The following SLC25A21 variants were observed in gnomAD, a reference collection of about 807,000 sequenced individuals.
SLC25A21 encodes solute carrier family 25 member 21.
Under a neutral mutation model 43.8 loss-of-function variants are expected in SLC25A21, and 47 were observed. That is an observed-to-expected ratio of 1.07 (90% CI 0.85 to 1.37). The LOEUF (loss-of-function observed/expected upper bound fraction) is 1.37. Ranked by LOEUF, SLC25A21 falls within the 40% of genes most tolerant of loss-of-function variation. The probability of loss-of-function intolerance (pLI) is 0.00; values close to 1 mark genes in which losing one functional copy is unlikely to be tolerated. For missense variants in SLC25A21, 352 were observed against 350.2 expected, an observed-to-expected ratio of 1.00 and a Z score of -0.04; for synonymous variants, 131 against 121.3, an observed-to-expected ratio of 1.08 and a Z score of -0.52.
At chr14:37,005,864 T>G (rs1960592075) in intron 1 of SLC25A21, among the ~76,000 whole-genome samples, 2 of 152,226 alleles carry the variant, frequency 1.3e-5, no homozygotes, top group African/African-American at 4.8e-5. Context: ...TCTCTGGAAC[T>G]TTTTCTTTTC....
chr14:36,702,386 C>T (rs984170505), intron 7 of SLC25A21, among the ~76,000 whole-genome samples: 1 of 150,016 alleles, frequency 6.7e-6, no homozygotes, highest in South Asian at 2.1e-4. Flanking sequence ...TCCCTGTAAT[C>T]CCAGCACTTT....
Position 36,821,294 on chromosome 14 carries a change from TC to T in SLC25A21, c.120-7294del, listed in dbSNP as rs1888622038. Among the ~76,000 whole-genome samples, 4 of 151,028 alleles carry T rather than the reference TC, an allele frequency of 2.6e-5. No individual in the cohort carries two copies. In the South Asian group the frequency reaches 8.4e-4, roughly 32 times the overall value. On this transcript the variant is annotated intron_variant, in intron 2 of 9. Coordinates refer to ENST00000331299, the MANE Select transcript of SLC25A21 (RefSeq NM_030631.4). ...ACCACTGGGGACTGTGCCTTTCTCA[TC>T]CCTCCAGAAAGAGCACATCAGATGG...
intron 3 of SLC25A21, among the ~76,000 whole-genome samples, chr14:36,746,341 A>C (rs576118703): frequency 3.3e-5 from 5 of 150,260 alleles, no homozygotes; most frequent in Non-Finnish European, 5.9e-5. Flanking sequence ...GGGATGACTT[A>C]GAAACAGAAA....
chr14:37,098,827 A>G (rs1172170712), intron 1 of SLC25A21, among the ~76,000 whole-genome samples: 2 of 150,448 alleles, frequency 1.3e-5, no homozygotes, highest in Non-Finnish European at 3.0e-5. Context: ...TTTTGAGACA[A>G]AGTCTCATTC....
chr14:36,985,097 A>G (rs1960115701), intron 1 of SLC25A21, among the ~76,000 whole-genome samples: 2 of 150,200 alleles, frequency 1.3e-5, no homozygotes, highest in South Asian at 4.2e-4. Context: ...AACACCGCAT[A>G]TTCTCACTCA....
intron 1 of SLC25A21, among the ~76,000 whole-genome samples, chr14:36,897,848 A>AGATAT (rs1891287931): frequency 6.6e-6 from 1 of 152,186 alleles, no homozygotes; most frequent in Admixed American, 6.5e-5. Flanking sequence ...GCAGAACAGC[A>AGATAT]GATATGGGTG....
chr14:36,952,718 AC>A (rs1892842788), intron 1 of SLC25A21, among the ~76,000 whole-genome samples: 1 of 152,206 alleles, frequency 6.6e-6, no homozygotes, highest in African/African-American at 2.4e-5. Context: ...ACAAGACAAA[AC>A]AAAAACAGTG....
intron 1 of SLC25A21, among the ~76,000 whole-genome samples, chr14:37,166,132 C>A (rs1964026526): frequency 6.6e-6 from 1 of 152,200 alleles, no homozygotes; most frequent in South Asian, 2.1e-4. Flanking sequence ...ATGCACAAAT[C>A]ACGGAGCAGA....
chr14:37,092,348 A>G (rs1955754), intron 1 of SLC25A21, among the ~76,000 whole-genome samples: 151,883 of 152,298 alleles, frequency 1, 75,740 homozygotes, highest in Middle Eastern at 1. Flanking sequence ...AATCCTACAC[A>G]GTACCATGTC....
chr14:36,784,718 C>T (rs1397188552), intron 3 of SLC25A21, among the ~76,000 whole-genome samples: 1 of 152,174 alleles, frequency 6.6e-6, no homozygotes, highest in Non-Finnish European at 1.5e-5. Flanking sequence ...GGCTTTGTAT[C>T]TCTCTTCCCT....
chr14:36,889,886 CT>C (rs1439883889), intron 1 of SLC25A21, among the ~76,000 whole-genome samples: 1 of 152,148 alleles, frequency 6.6e-6, no homozygotes, highest in Non-Finnish European at 1.5e-5. Flanking sequence ...CAACAAGCAC[CT>C]TGGGATGCTT....
At chr14:36,782,638 C>T (rs1000322538) in intron 3 of SLC25A21, among the ~76,000 whole-genome samples, 1 of 152,138 alleles carries the variant, frequency 6.6e-6, no homozygotes, top group African/African-American at 2.4e-5. Flanking sequence ...TATGGATGTA[C>T]CTGTTCCATC....
chr14:36,923,737 A>C (rs1337918420), intron 1 of SLC25A21, among the ~76,000 whole-genome samples: 1 of 152,154 alleles, frequency 6.6e-6, no homozygotes, highest in Non-Finnish European at 1.5e-5. Flanking sequence ...TGCAGAGCAA[A>C]AATATTTTTT....
chr14:36,728,060 A>G (rs1884671260), intron 5 of SLC25A21, among the ~76,000 whole-genome samples: 1 of 152,212 alleles, frequency 6.6e-6, no homozygotes, highest in Admixed American at 6.5e-5. Context: ...AATTGATCAG[A>G]TATCAGCAGA....
chr14:37,145,472 C>CAGAG lies in SLC25A21; in HGVS notation c.70+26808_70+26809insCTCT, dbSNP rs1188016664. On this transcript the variant is annotated intron_variant, in intron 1 of 9. Transcript: ENST00000331299. Reference sequence around the variant, plus strand: ...ACACACACACACACACACACACACACACACAGAGAGATGAGCTAAATAACT... The same window carrying CAGAG: ...ACACACACACACACACACACACACACAGAGACACAGAGAGATGAGCTAAATAACT... Among the ~76,000 whole-genome samples the CAGAG allele has an allele frequency of 1.0e-2, 424 of 42,438 alleles. 2 individuals are homozygous for CAGAG. Among genetic ancestry groups the CAGAG allele is most frequent in the Admixed American group, 0.015 (35 of 2,310 alleles). 27.8% of individuals were successfully genotyped at this position (42,438 alleles called of 152,430 possible).
At chr14:37,023,599 G>T (rs1400442379) in intron 1 of SLC25A21, among the ~76,000 whole-genome samples, 1 of 151,854 alleles carries the variant, frequency 6.6e-6, no homozygotes, top group East Asian at 1.9e-4. Context: ...GAAACCATCT[G>T]TGCCTTTGTA....
intron 3 of SLC25A21, among the ~76,000 whole-genome samples, chr14:36,789,774 CATTTTATATATTTATATATAATAT>C (rs1887384689): frequency 1.5e-5 from 1 of 66,210 alleles, no homozygotes; most frequent in Admixed American, 2.3e-4. Flanking sequence ...ATATATAATA[CATTTTATATATTTATATATAATAT>C]ATTTTATATA....
At chr14:37,035,778 AATGG>A (rs1335613824) in intron 1 of SLC25A21, among the ~76,000 whole-genome samples, 3 of 152,216 alleles carry the variant, frequency 2.0e-5, no homozygotes, top group Non-Finnish European at 4.4e-5. Context: ...CTGGAATCCT[AATGG>A]GCCGCCAATG....
intron 1 of SLC25A21, among the ~76,000 whole-genome samples, chr14:37,124,074 G>A (rs534899861): frequency 4.0e-5 from 6 of 150,490 alleles, no homozygotes; most frequent in South Asian, 4.2e-4. Flanking sequence ...GCAGTGGTGC[G>A]ATCTCAGCTC....
Sources: gnomAD v4.1 joint callset for allele counts (sites outside exome capture counted in the v4.1 genomes callset) on GRCh38, gnomAD v4.1.1 for gene constraint, MANE v1.5 for transcripts, NCBI Gene and HGNC (gene_info 2026-07-23, HGNC 2026-07-21) for gene names.